The following MUC5AC variants were observed in gnomAD, a reference collection of about 807,000 sequenced individuals.
The protein encoded by MUC5AC is mucin-5AC.
In MUC5AC, 158 loss-of-function variants were observed where a neutral mutation model predicts 169.7. That is an observed-to-expected ratio of 0.93 (90% CI 0.82 to 1.06). MUC5AC has a LOEUF of 1.06. Among genes scored for constraint, MUC5AC ranks in the 50% least tolerant of loss-of-function variants. The pLI, the probability that MUC5AC is intolerant of heterozygous loss-of-function variation, is 0.00. For missense variants in MUC5AC, 4,359 were observed against 3,089.9 expected (o/e 1.41, Z -9.74); for synonymous variants, 1,975 against 1,237.0 (o/e 1.60, Z -12.52).
In MUC5AC at chr11:1,199,008, C is replaced by A; in HGVS notation, c.16296+12C>A. The A allele has an allele frequency of 1.3e-6, 1 of 763,668 alleles. No individual in the cohort carries two copies. 47.3% of individuals were successfully genotyped at this position (763,668 alleles called of 1,614,324 possible). A position where few individuals can be genotyped will look rare whatever the true frequency, so the allele number is the denominator to read the frequency against. On this transcript the variant is annotated intron_variant, in intron 44 of 48. Coordinates refer to ENST00000621226, the MANE Select transcript of MUC5AC (RefSeq NM_001304359.2). ...CACACTGCCCTGTGGTGAGCGCTCC[C>A]ACCCTGCCCCGACCCTGCCCTGGCT...
In MUC5AC at chr11:1,180,407, C is replaced by T. The variant is rs2133749830; in HGVS notation, c.3667C>T (p.Gln1223Ter). The stretch of plus-strand genomic sequence containing the variant: ...TCCCATCTTTGATGAGGACAAGATG[C>T]AGTGTGTGGCCACCTGCCCAACCCC... ...EAPIFDEDKM[Q>*]CVATCPTPPL... Residue 1223 changes from glutamine (Q) to a stop codon, truncating the protein, a stop_gained, in exon 28 of 49, where the codon CAG becomes TAG. Transcript: ENST00000621226. LOFTEE classifies it high-confidence loss of function. 1 of 398,808 alleles carries T rather than the reference C, an allele frequency of 2.5e-6. No homozygotes were observed. Among genetic ancestry groups the T allele is most frequent in the East Asian group, 3.6e-5 (1 of 28,086 alleles). The allele number at this position is 398,808 out of a possible 1,614,324, so 24.7% of individuals were successfully genotyped here.
Position 1,201,014 on chromosome 11 carries a change from C to A in MUC5AC, c.*312C>A. 3.6e-6 allele frequency: 1 copy of A among 275,978 alleles called. No homozygotes were observed. The highest frequency in any genetic ancestry group is 6.8e-6 in the Non-Finnish European group (1 of 147,244). 17.1% of individuals were successfully genotyped at this position (275,978 alleles called of 1,614,324 possible). On this transcript the variant is annotated 3_prime_UTR_variant, in exon 49 of 49. Coordinates refer to ENST00000621226, the MANE Select transcript of MUC5AC (RefSeq NM_001304359.2). ...GAGGGTCTCAGGAATGACGCTTGGA[C>A]ATGGTGATCAGCTGCCTGGTGGCTG...
Position 1,199,752 on chromosome 11 carries a change from C to A in MUC5AC, c.16573C>A (p.Pro5525Thr), listed in dbSNP as rs1209061135. The A allele has an allele frequency of 1.4e-6, 1 of 713,810 alleles. No homozygotes were observed. The highest frequency in any genetic ancestry group is 2.6e-5 in the East Asian group (1 of 37,804). The allele number at this position is 713,810 out of a possible 1,614,324, so 44.2% of individuals were successfully genotyped here. A position where few individuals can be genotyped will look rare whatever the true frequency, so the allele number is the denominator to read the frequency against. The change falls in exon 47 of 49, where the codon CCG becomes ACG. Residue 5525 changes from proline to threonine, a missense_variant. Pro to Thr is a conservative substitution (Grantham distance 38, BLOSUM62 -1). Transcript: ENST00000621226. ...CCGCTTCTGCCCGCCGCCCCCGCCCCCGTACCAGAACCGTGAGTACCCAGC... is the reference window on the plus strand; with the variant it reads ...CCGCTTCTGCCCGCCGCCCCCGCCCACGTACCAGAACCGTGAGTACCCAGC... ...CCRFCPPPPP[P>T]YQNQSTCAVY...
rs1371011540 is a variant in MUC5AC, at chr11:1,185,343, C to T, written c.7198C>T (p.Pro2400Ser). 2.0e-4 allele frequency: 144 copies of T among 712,406 alleles called. No homozygotes were observed. The African/African-American group carries it at 2.5e-3, about 12-fold the overall frequency. 44.1% of individuals were successfully genotyped at this position (712,406 alleles called of 1,614,324 possible). A position where few individuals can be genotyped will look rare whatever the true frequency, so the allele number is the denominator to read the frequency against. ...TCCTGAAACTACTCCCAGCCCTGTT[C>T]CTACCACCAGCACAACCTCTGCCAC... ...SGPETTPSPV[P>S]TTSTTSATTT... The change falls in exon 31 of 49, where the codon CCT (proline) becomes TCT (serine). Residue 2400 changes from proline (P) to serine (S), a missense_variant. Coordinates refer to ENST00000621226, the MANE Select transcript of MUC5AC (RefSeq NM_001304359.2).
At chr11:1,171,767 C>T (rs1197966546) in intron 15 of MUC5AC, among the ~76,000 whole-genome samples, 2 of 133,520 alleles carry the variant, frequency 1.5e-5, no homozygotes, top group Admixed American at 7.5e-5. Context: ...TCAACACTCA[C>T]TCACCCACTC....
At chr11:1,199,642 C>T in intron 46 of MUC5AC, 53 bp from the exon 47 acceptor site, 2 of 700,614 alleles carry the variant, frequency 2.9e-6, no homozygotes, top group South Asian at 1.5e-5. Context: ...TCCCTCACTT[C>T]TGTGGGGGCC....
At position 1,187,945 on chromosome 11, in the gene MUC5AC, C is replaced by T. The variant is rs1860994508; in HGVS notation, c.9800C>T (p.Thr3267Ile). 4 of 755,106 alleles carry T rather than the reference C, an allele frequency of 5.3e-6. No individual in the cohort carries two copies. Among genetic ancestry groups the T allele is most frequent in the African/African-American group, 1.7e-5 (1 of 58,670 alleles). The allele number at this position is 755,106 out of a possible 1,614,324, so 46.8% of individuals were successfully genotyped here. ...ATCTGCCGCCGACCTGAGGAGATCA[C>T]CAGGCTCCAGTGCCGAGCCGAGAGC... ...EKICRRPEEI[T>I]RLQCRAESHP... The change falls in exon 31 of 49, where the codon ACC (threonine) becomes ATC (isoleucine). Residue 3267 changes from threonine (T) to isoleucine (I), a missense_variant. By Grantham distance (89) the Thr-to-Ile change is moderately conservative. Coordinates refer to ENST00000621226, the MANE Select transcript of MUC5AC (RefSeq NM_001304359.2).
rs1336751540 is a variant in MUC5AC at position 1,160,616 on chromosome 11, T to C, written c.78T>C (p.His26=). 4.4e-6 allele frequency: 7 copies of C among 1,608,042 alleles called. No homozygotes were observed. Among genetic ancestry groups the C allele is most frequent in the Non-Finnish European group, 5.9e-6 (7 of 1,179,274 alleles). The change falls in exon 2 of 49, where the codon CAT becomes CAC. Residue 26 remains histidine (H), a synonymous_variant. Transcript: ENST00000621226. ...LALACTRHTG[H]AQDGSSESSY... Reference sequence around the variant, plus strand: ...GCCCCCCTCCTCTTTCTGCAGGCCATGCCCAGGATGGCTCCTCCGAATCCA... The same window carrying C: ...GCCCCCCTCCTCTTTCTGCAGGCCACGCCCAGGATGGCTCCTCCGAATCCA...
chr11:1,197,472 G>C lies in MUC5AC; in HGVS notation c.15866G>C (p.Gly5289Ala). ...LGPHGEPVKV[G>A]HTVGMDCQEC... ...CCTCAGTCCCCTTCCTTGCAGGTGGGCCACACCGTCGGCATGGACTGCCAG... is the reference window on the plus strand; with the variant it reads ...CCTCAGTCCCCTTCCTTGCAGGTGGCCCACACCGTCGGCATGGACTGCCAG... The change falls in exon 41 of 49, where the codon GGC becomes GCC. Residue 5289 changes from glycine (G) to alanine (A), a missense_variant. Physicochemically the swap from Gly to Ala is moderately conservative, Grantham distance 60. Transcript: ENST00000621226. The C allele has an allele frequency of 1.4e-6, 1 of 711,090 alleles. No individual in the cohort carries two copies. The highest frequency in any genetic ancestry group is 2.6e-6 in the Non-Finnish European group (1 of 391,216). The allele number at this position is 711,090 out of a possible 1,614,324, so 44.0% of individuals were successfully genotyped here.
rs1166374281 is a variant in MUC5AC, at chr11:1,185,067, C to T, written c.6922C>T (p.Pro2308Ser). The change falls in exon 31 of 49, where the codon CCC (proline) becomes TCC (serine). Residue 2308 changes from proline (P) to serine (S), a missense_variant. Pro to Ser is a moderately conservative substitution (Grantham distance 74, BLOSUM62 -1). Transcript: ENST00000621226. The part of the protein sequence containing the change: ...ASTTSGPGNT[P>S]SPVPTTSTIS... ...CACAACCTCTGGTCCTGGAAATACT[C>T]CCAGCCCTGTTCCTACCACCAGCAC... 5.6e-6 allele frequency: 4 copies of T among 708,490 alleles called. No individual in the cohort carries two copies. Among genetic ancestry groups the T allele is most frequent in the African/African-American group, 1.8e-5 (1 of 56,370 alleles). 43.9% of individuals were successfully genotyped at this position (708,490 alleles called of 1,614,324 possible).
Position 1,165,357 on chromosome 11 carries a change from C to A in MUC5AC, c.1185C>A (p.Ala395=), listed in dbSNP as rs1433098652. The A allele has an allele frequency of 6.2e-7, 1 of 1,612,358 alleles. No homozygotes were observed. The highest frequency in any genetic ancestry group is 8.5e-7 in the Non-Finnish European group (1 of 1,179,746). The change falls in exon 10 of 49, where the codon GCC becomes GCA. Residue 395 remains alanine (A), a synonymous_variant. Coordinates refer to ENST00000621226, the MANE Select transcript of MUC5AC (RefSeq NM_001304359.2). The part of the protein sequence containing the change: ...QTGCVPVSKC[A]CVYNGAAYAP... ...GCTGTGTCCCTGTGTCAAAGTGTGC[C>A]TGCGTCTACAACGGGGCTGCCTATG...
At chr11:1,179,004 C>G in intron 25 of MUC5AC, 88 bp from the exon 26 acceptor site, 1 of 394,950 alleles carries the variant, frequency 2.5e-6, no homozygotes, top group East Asian at 3.8e-5. Flanking sequence ...GAACTCGGCC[C>G]CGGTCAATGT....
intron 19 of MUC5AC, among the ~76,000 whole-genome samples, chr11:1,175,838 C>CACTCACACCCACTTATGCA (rs1860668135): frequency 4.0e-5 from 1 of 25,162 alleles, no homozygotes; most frequent in African/African-American, 1.3e-4. Context: ...CATGCACACG[C>CACTCACACCCACTTATGCA]ACTCACACAC....
Position 1,197,952 on chromosome 11 carries a change from C to T in MUC5AC, c.16083C>T (p.Ala5361=), listed in dbSNP as rs1260983488. 1.4e-6 allele frequency: 1 copy of T among 736,330 alleles called. No individual in the cohort carries two copies. The highest frequency in any genetic ancestry group is 1.8e-5 in the Admixed American group (1 of 55,380). 45.6% of individuals were successfully genotyped at this position (736,330 alleles called of 1,614,324 possible). ...CPAPVGCPEG[A]RAIPTYQEGA... ...CGCCCGTGGGCTGTCCTGAGGGCGC[C>T]CGCGCGATCCCGACCTACCAGGAGG... is the stretch of plus-strand genomic sequence containing the variant. Residue 5361 remains alanine (A), a synonymous_variant, in exon 42 of 49, where the codon GCC becomes GCT. Coordinates refer to ENST00000621226, the MANE Select transcript of MUC5AC (RefSeq NM_001304359.2).
intron 15 of MUC5AC, among the ~76,000 whole-genome samples, chr11:1,169,841 CCCACTCA>C (rs1860446968): frequency 7.0e-6 from 1 of 143,842 alleles, no homozygotes; most frequent in Non-Finnish European, 1.5e-5. Context: ...CACTCACTCA[CCCACTCA>C]CCGACTCACC....
At chr11:1,169,287 C>T (rs1026152916) in intron 15 of MUC5AC, among the ~76,000 whole-genome samples, 12 of 152,116 alleles carry the variant, frequency 7.9e-5, no homozygotes, top group African/African-American at 2.4e-4. Flanking sequence ...CCGCCTACCC[C>T]TGCACAGGGT....
chr11:1,188,786 C>A lies in MUC5AC; in HGVS notation c.10641C>A (p.Tyr3547Ter). The A allele has an allele frequency of 2.7e-6, 2 of 753,656 alleles. No homozygotes were observed. Among genetic ancestry groups the A allele is most frequent in the South Asian group, 1.4e-5 (1 of 72,844 alleles). The allele number at this position is 753,656 out of a possible 1,614,324, so 46.7% of individuals were successfully genotyped here. Residue 3547 changes from tyrosine to a stop codon, truncating the protein, a stop_gained, in exon 31 of 49, where the codon TAC (tyrosine) becomes TAA (stop). Transcript: ENST00000621226. LOFTEE classifies it high-confidence loss of function. ...CCCACGGTGGGGACAAGGAAACCTA[C>A]AACAACATCATCAGGAGTGGGGAAA... ...PGPHGGDKET[Y>*]NNIIRSGEKI... is the part of the protein sequence containing the mutation.
At position 1,187,357 on chromosome 11, in the gene MUC5AC, T is replaced by C. The variant is rs1860977836; in HGVS notation, c.9212T>C (p.Val3071Ala). The stretch of plus-strand genomic sequence containing the variant: ...GGTCCTGGAACTACCCCAAGCCCTG[T>C]TCCCACCACCAGCACAACCTCTGCT... Reference protein sequence around the residue: ...TSGPGTTPSPVPTTSTTSAPT... With the variant: ...TSGPGTTPSPAPTTSTTSAPT... Residue 3071 changes from valine (V) to alanine (A), a missense_variant, in exon 31 of 49, where the codon GTT (valine) becomes GCT (alanine). Val to Ala is a moderately conservative substitution (Grantham distance 64, BLOSUM62 0). Coordinates refer to ENST00000621226, the MANE Select transcript of MUC5AC (RefSeq NM_001304359.2). 2 of 735,784 alleles carry C rather than the reference T, an allele frequency of 2.7e-6. No individual in the cohort carries two copies. The highest frequency in any genetic ancestry group is 1.4e-5 in the South Asian group (1 of 71,254). 45.6% of individuals were successfully genotyped at this position (735,784 alleles called of 1,614,324 possible).
At chr11:1,179,503 G>A (rs1488210951) in intron 26 of MUC5AC, among the ~76,000 whole-genome samples, 2 of 150,860 alleles carry the variant, frequency 1.3e-5, no homozygotes, top group African/African-American at 4.9e-5. Flanking sequence ...CGCTGGCATG[G>A]TAGAACATTC....
Sources: gnomAD v4.1 joint callset for allele counts (sites outside exome capture counted in the v4.1 genomes callset) on GRCh38, gnomAD v4.1.1 for gene constraint, MANE v1.5 for transcripts, NCBI Gene and HGNC (gene_info 2026-07-23, HGNC 2026-07-21) for gene names.